TPD52: variants seen among roughly 807,000 people sequenced by gnomAD.
TPD52 encodes the protein tumor protein D52, also known as prostate and colon associated protein.
In TPD52, 17 loss-of-function variants were observed where a neutral mutation model predicts 31.3. The ratio of observed to expected loss-of-function variants is 0.54; its 90% CI spans 0.37 to 0.82. The LOEUF (loss-of-function observed/expected upper bound fraction) is 0.82. Among genes scored for constraint, TPD52 ranks in the 40% least tolerant of loss-of-function variants. The pLI, the probability that TPD52 is intolerant of heterozygous loss-of-function variation, is 0.00. For missense variants in TPD52, 212 were observed against 240.1 expected, an observed-to-expected ratio of 0.88 and a Z score of 0.77; for synonymous variants, 83 against 89.6, an observed-to-expected ratio of 0.93 and a Z score of 0.42.
At chr8:80,087,204 A>C (rs537470047) in intron 1 of TPD52, among the ~76,000 whole-genome samples, 1 of 152,262 alleles carries the variant, frequency 6.6e-6, no homozygotes, top group Non-Finnish European at 1.5e-5. Flanking sequence ...TTGTAACATA[A>C]GTAAGTGTGT....
At chr8:80,115,546 A>G (rs1211752418) in intron 1 of TPD52, among the ~76,000 whole-genome samples, 1 of 152,204 alleles carries the variant, frequency 6.6e-6, no homozygotes, top group Non-Finnish European at 1.5e-5. Flanking sequence ...GCAAGAGAGG[A>G]ATGGAATGTC....
intron 1 of TPD52, among the ~76,000 whole-genome samples, chr8:80,137,632 G>A (rs1249858045): frequency 6.6e-6 from 1 of 152,148 alleles, no homozygotes; most frequent in Non-Finnish European, 1.5e-5. Flanking sequence ...ATACTGTTTG[G>A]ATTCATTTGC....
intron 1 of TPD52, among the ~76,000 whole-genome samples, chr8:80,126,510 C>G (rs943713970): frequency 7.6e-6 from 1 of 131,324 alleles, no homozygotes; most frequent in Admixed American, 8.4e-5. Context: ...GAGACAGGGT[C>G]TCACTCTGTT....
intron 1 of TPD52, among the ~76,000 whole-genome samples, chr8:80,104,761 T>C (rs1272448372): frequency 6.6e-6 from 1 of 151,942 alleles, no homozygotes; most frequent in African/African-American, 2.4e-5. Context: ...CTGCTTCTTT[T>C]TAATAGAACA....
In TPD52 at chr8:80,044,202, A is replaced by C. The variant is rs753604999; in HGVS notation, c.420T>G (p.Arg140=). 3 of 1,583,104 alleles carry C rather than the reference A, an allele frequency of 1.9e-6. No individual in the cohort carries two copies. The South Asian group carries it at 3.5e-5, about 19-fold the overall frequency. ...LQAFSHSFSI[R]SIQHSISMPA... is the part of the protein sequence containing the mutation. ...GCATGCTAATTGAATGCTGAATGGA[A>C]CGTATACTAAGAGGCAGCATTAAAA... Residue 140 remains arginine, a synonymous_variant, in exon 6 of 8, where the codon CGT becomes CGG. Coordinates refer to ENST00000518937, the MANE Select transcript of TPD52 (RefSeq NM_001025253.3).
intron 1 of TPD52, among the ~76,000 whole-genome samples, chr8:80,088,278 C>T (rs528286511): frequency 6.6e-6 from 1 of 152,202 alleles, no homozygotes; most frequent in East Asian, 1.9e-4. Context: ...CACATGGGAT[C>T]ACACTTGGAG....
chr8:80,164,781 G>T (rs1811598520), intron 1 of TPD52, among the ~76,000 whole-genome samples: 1 of 92,844 alleles, frequency 1.1e-5, no homozygotes, highest in African/African-American at 7.3e-5. Context: ...AGCTACTTGG[G>T]AGGCTGAACA....
chr8:80,040,279 C>A (rs1372798342), intron 7 of TPD52, among the ~76,000 whole-genome samples: 3 of 149,438 alleles, frequency 2.0e-5, no homozygotes, highest in Non-Finnish European at 4.4e-5. Context: ...ACTCTGCCTC[C>A]CGGGCTCAAG....
chr8:80,141,713 C>A (rs1175685046), intron 1 of TPD52, among the ~76,000 whole-genome samples: 1 of 152,068 alleles, frequency 6.6e-6, no homozygotes, highest in Non-Finnish European at 1.5e-5. Context: ...AGATCGAGAC[C>A]ATCCTGGCCA....
At chr8:80,108,805 G>A (rs1165764190) in intron 1 of TPD52, among the ~76,000 whole-genome samples, 2 of 152,170 alleles carry the variant, frequency 1.3e-5, no homozygotes, top group Admixed American at 1.3e-4. Context: ...GTTCTTTAAA[G>A]TTTTAAGAAA....
At chr8:80,141,792 C>G (rs983276713) in intron 1 of TPD52, among the ~76,000 whole-genome samples, 1 of 152,016 alleles carries the variant, frequency 6.6e-6, no homozygotes, top group African/African-American at 2.4e-5. Flanking sequence ...GGCCTGTTGT[C>G]CCAGCTACTT....
chr8:80,159,656 C>T (rs928763750), intron 1 of TPD52, among the ~76,000 whole-genome samples: 1 of 152,000 alleles, frequency 6.6e-6, no homozygotes, highest in Non-Finnish European at 1.5e-5. Flanking sequence ...TGAAATTTTT[C>T]AAAAATAAAA....
chr8:80,092,961 C>A (rs1292392675), intron 1 of TPD52, among the ~76,000 whole-genome samples: 1 of 151,826 alleles, frequency 6.6e-6, no homozygotes, highest in Non-Finnish European at 1.5e-5. Flanking sequence ...TCAAATGGTA[C>A]AGATGGTAAA....
chr8:80,098,375 C>T (rs1389231527), intron 1 of TPD52, among the ~76,000 whole-genome samples: 2 of 152,162 alleles, frequency 1.3e-5, no homozygotes, highest in Non-Finnish European at 2.9e-5. Flanking sequence ...AAGGATTCAC[C>T]ATTCTAGATG....
chr8:80,086,336 C>T (rs1351794487), intron 1 of TPD52, among the ~76,000 whole-genome samples: 1 of 151,488 alleles, frequency 6.6e-6, no homozygotes, highest in Non-Finnish European at 1.5e-5. Context: ...CTAGGATGGT[C>T]TCGATCTCCT....
At chr8:80,044,562 G>A (rs533431505) in intron 5 of TPD52, among the ~76,000 whole-genome samples, 2 of 151,338 alleles carry the variant, frequency 1.3e-5, no homozygotes, top group African/African-American at 2.5e-5. Flanking sequence ...AGTGTTTATC[G>A]CCTCCCCTCA....
intron 1 of TPD52, chr8:80,067,253 T>C (rs557155814): frequency 6.6e-6 from 1 of 152,296 alleles, no homozygotes; most frequent in South Asian, 2.1e-4. Flanking sequence ...GACCTTGAGA[T>C]TTTATATTCA....
At chr8:80,133,721 T>C (rs560720486) in intron 1 of TPD52, among the ~76,000 whole-genome samples, 1 of 151,262 alleles carries the variant, frequency 6.6e-6, no homozygotes, top group South Asian at 2.1e-4. Flanking sequence ...ACTATCTCGA[T>C]TTCATCAAGT....
In TPD52 at chr8:80,136,496, C is replaced by T. The variant is rs563510605; in HGVS notation, c.19+34929G>A. 6.5e-5 allele frequency among the ~76,000 whole-genome samples: 9 copies of T among 138,382 alleles called. No individual in the cohort carries two copies. In the East Asian group the frequency reaches 1.9e-3, roughly 29 times the overall value. The allele number at this position is 138,382 out of a possible 152,430, so 90.8% of individuals were successfully genotyped here. ...CTGAGATCACGCCACTGCACTCCAG[C>T]CTGGGCGACAGAGCGAGACTCTGTC... is the stretch of plus-strand genomic sequence containing the variant. On this transcript the variant is annotated intron_variant, in intron 1 of 7. Coordinates refer to ENST00000518937, the MANE Select transcript of TPD52 (RefSeq NM_001025253.3).
Sources: allele counts gnomAD v4.1 joint callset (sites outside exome capture counted in the v4.1 genomes callset), GRCh38; gene constraint gnomAD v4.1.1; transcripts MANE v1.5; gene names NCBI Gene and HGNC (gene_info 2026-07-23, HGNC 2026-07-21).